The following UNC13C variants were observed in gnomAD, a reference collection of about 807,000 sequenced individuals.
UNC13C encodes the protein protein unc-13 homolog C.
UNC13C carries 174 observed loss-of-function variants against 245.4 expected under a neutral mutation model. That is an observed-to-expected ratio of 0.71 (90% CI 0.63 to 0.80). The LOEUF (loss-of-function observed/expected upper bound fraction) is 0.80. Among genes scored for constraint, UNC13C ranks in the 30% least tolerant of loss-of-function variants. The pLI, the probability that UNC13C is intolerant of heterozygous loss-of-function variation, is 0.00. For synonymous variants in UNC13C, 992 were observed against 895.1 expected (o/e 1.11, Z -1.93); for missense variants, 2,829 against 2,602.9 (o/e 1.09, Z -1.89).
At chr15:53,974,026 A>G (rs992108711), upstream of UNC13C, among the ~76,000 whole-genome samples, 25 of 152,316 alleles carry the variant, frequency 1.6e-4, no homozygotes, top group Middle Eastern at 3.4e-3. Context: ...ACCACTTACT[A>G]GTTCTGTACA....
the UNC13C span, among the ~76,000 whole-genome samples, chr15:53,907,921 T>G: frequency 9.5e-5 from 14 of 146,656 alleles, 2 homozygotes; most frequent in African/African-American, 3.4e-4. Context: ...GATATTTAAT[T>G]TGTTTCTGGT....
intron 19 of UNC13C, among the ~76,000 whole-genome samples, chr15:54,479,176 A>T (rs1892955795): frequency 6.6e-6 from 1 of 152,008 alleles, no homozygotes; most frequent in East Asian, 1.9e-4. Flanking sequence ...CACGGGGATT[A>T]TTGAAATCCC....
At chr15:54,513,140 C>T (rs534643254) in intron 24 of UNC13C, among the ~76,000 whole-genome samples, 8 of 152,180 alleles carry the variant, frequency 5.3e-5, no homozygotes, top group Admixed American at 5.2e-4. Flanking sequence ...GTAAGCACAA[C>T]CAATTAAGGA....
chr15:54,371,440 G>T (rs17237571), intron 17 of UNC13C, among the ~76,000 whole-genome samples: 9,563 of 152,108 alleles, frequency 0.063, 366 homozygotes, highest in Admixed American at 0.11. Flanking sequence ...ACCCCATTAA[G>T]TTTCCAAGTT....
At chr15:54,399,579 CAGT>C (rs1397069006) in intron 18 of UNC13C, among the ~76,000 whole-genome samples, 1 of 151,800 alleles carries the variant, frequency 6.6e-6, no homozygotes, top group Non-Finnish European at 1.5e-5. Context: ...AATATACATA[CAGT>C]GAAGTCTCAA....
At chr15:54,220,210 T>A (rs1268843684) in intron 4 of UNC13C, among the ~76,000 whole-genome samples, 3 of 150,866 alleles carry the variant, frequency 2.0e-5, no homozygotes, top group Admixed American at 2.0e-4. Flanking sequence ...TGTCTAACAA[T>A]GATAGACTGG....
At chr15:54,020,579 G>T (rs1008770607) in intron 2 of UNC13C, among the ~76,000 whole-genome samples, 1 of 151,262 alleles carries the variant, frequency 6.6e-6, no homozygotes, top group Non-Finnish European at 1.5e-5. Context: ...CACCACACCC[G>T]GCCGATTTTT....
intron 10 of UNC13C, among the ~76,000 whole-genome samples, chr15:54,282,311 G>T (rs1429598562): frequency 2.0e-5 from 3 of 152,124 alleles, no homozygotes; most frequent in Non-Finnish European, 4.4e-5. Flanking sequence ...ATGTATATAT[G>T]TGTAATTATG....
intron 30 of UNC13C, among the ~76,000 whole-genome samples, chr15:54,618,791 A>ATAGTTCTTT: frequency 6.6e-6 from 1 of 152,314 alleles, no homozygotes; most frequent in East Asian, 1.9e-4. Flanking sequence ...AAGTATATGT[A>ATAGTTCTTT]TAGTTCTTTT....
At chr15:54,277,431 T>C (rs549588441) in intron 10 of UNC13C, among the ~76,000 whole-genome samples, 1 of 152,096 alleles carries the variant, frequency 6.6e-6, no homozygotes, top group Non-Finnish European at 1.5e-5. Flanking sequence ...TACAGAACAA[T>C]GTATAAGGTT....
At chr15:53,848,587 T>C in the UNC13C span, among the ~76,000 whole-genome samples, 1 of 152,272 alleles carries the variant, frequency 6.6e-6, no homozygotes, top group African/African-American at 2.4e-5. Context: ...GAAAAGAAAC[T>C]ATATTTGTCA....
intron 30 of UNC13C, among the ~76,000 whole-genome samples, chr15:54,617,627 G>A (rs1900529882): frequency 6.6e-6 from 1 of 152,074 alleles, no homozygotes; most frequent in Admixed American, 6.6e-5. Context: ...TCACTGCCAT[G>A]AATTCTTCCA....
intron 2 of UNC13C, among the ~76,000 whole-genome samples, chr15:54,025,380 A>G (rs1040524250): frequency 6.6e-6 from 1 of 152,224 alleles, no homozygotes; most frequent in African/African-American, 2.4e-5. Flanking sequence ...AACATTTATT[A>G]ATTCCTTTCT....
intron 2 of UNC13C, chr15:54,048,553 T>A (rs914112374): frequency 4.0e-6 from 2 of 496,832 alleles, no homozygotes; most frequent in Non-Finnish European, 7.7e-6. Flanking sequence ...AATGGAAGAC[T>A]TTTTATAGAA....
At chr15:54,285,244 T>G (rs1232949149) in intron 10 of UNC13C, among the ~76,000 whole-genome samples, 1 of 152,166 alleles carries the variant, frequency 6.6e-6, no homozygotes. Flanking sequence ...GAATTTAAAG[T>G]GTTGAGGACT....
intron 19 of UNC13C, among the ~76,000 whole-genome samples, chr15:54,444,523 A>G (rs547346176): frequency 7.2e-5 from 11 of 151,872 alleles, no homozygotes; most frequent in African/African-American, 2.4e-4. Flanking sequence ...ATTTATTTCA[A>G]TTCAAGGTTA....
chr15:53,934,246 C>T, the UNC13C span, among the ~76,000 whole-genome samples: 2 of 152,202 alleles, frequency 1.3e-5, no homozygotes, highest in Non-Finnish European at 2.9e-5. Context: ...AAGACCCCAA[C>T]TCCAACAATG....
At chr15:54,174,726 A>T (rs1008671920) in intron 4 of UNC13C, among the ~76,000 whole-genome samples, 1 of 152,190 alleles carries the variant, frequency 6.6e-6, no homozygotes, top group Non-Finnish European at 1.5e-5. Flanking sequence ...CACACACTTC[A>T]GAATCAGTTA....
At chr15:54,045,205 A>C (rs1896982478) in intron 2 of UNC13C, among the ~76,000 whole-genome samples, 1 of 152,052 alleles carries the variant, frequency 6.6e-6, no homozygotes. Context: ...TTTAGTTTTC[A>C]GATTTGTTTT....
Sources: gnomAD v4.1 joint callset for allele counts (sites outside exome capture counted in the v4.1 genomes callset) on GRCh38, gnomAD v4.1.1 for gene constraint, MANE v1.5 for transcripts, NCBI Gene and HGNC (gene_info 2026-07-23, HGNC 2026-07-21) for gene names.